Variants in PARD3 observed in about 807,000 individuals in gnomAD.
PARD3 encodes par-3 family cell polarity regulator, also known as partitioning defective 3 homolog.
Under a neutral mutation model 155.4 loss-of-function variants are expected in PARD3, and 75 were observed. The ratio of observed to expected loss-of-function variants is 0.48; its 90% CI spans 0.40 to 0.58. The LOEUF (loss-of-function observed/expected upper bound fraction) is 0.58, where lower values mean the gene tolerates loss of function less well. Ranked by LOEUF, PARD3 falls within the 20% of genes least tolerant of loss-of-function variation. The pLI is 0.00. For synonymous variants in PARD3, 576 were observed against 610.5 expected (o/e 0.94, Z 0.83); for missense variants, 1,642 against 1,721.7 (o/e 0.95, Z 0.82).
chr10:34,392,142 T>A (rs935488374), intron 7 of PARD3, among the ~76,000 whole-genome samples: 21 of 151,120 alleles, frequency 1.4e-4, no homozygotes, highest in Non-Finnish European at 3.0e-5. Context: ...TCAAAAAATA[T>A]AAAGAAAGAA....
At chr10:34,814,361 C>T (rs568257742) in intron 1 of PARD3, among the ~76,000 whole-genome samples, 45 of 152,214 alleles carry the variant, frequency 3.0e-4, no homozygotes, top group Admixed American at 2.1e-3. Context: ...TGTTCCGCCC[C>T]CGCCCGAGTA....
At chr10:34,176,333 G>A (rs1028510315) in intron 22 of PARD3, among the ~76,000 whole-genome samples, 4 of 151,878 alleles carry the variant, frequency 2.6e-5, no homozygotes, top group Admixed American at 6.6e-5. Flanking sequence ...AGTCTAATAT[G>A]TAACATTATT....
chr10:34,551,637 C>T (rs939336401), intron 2 of PARD3, among the ~76,000 whole-genome samples: 7 of 152,236 alleles, frequency 4.6e-5, no homozygotes, highest in Middle Eastern at 3.4e-3. Flanking sequence ...GGGGCAATAA[C>T]GGGGTGTCGG....
intron 20 of PARD3, among the ~76,000 whole-genome samples, chr10:34,299,195 G>T (rs980335448): frequency 6.6e-6 from 1 of 152,196 alleles, no homozygotes; most frequent in African/African-American, 2.4e-5. Context: ...CTCCCAAAAG[G>T]CTAAGAGCAG....
chr10:34,243,665 G>A (rs919754842), intron 22 of PARD3, among the ~76,000 whole-genome samples: 2 of 152,234 alleles, frequency 1.3e-5, no homozygotes, highest in South Asian at 2.1e-4. Flanking sequence ...GTGAAGCCCC[G>A]TCTCTACAAA....
chr10:34,427,245 C>A lies in PARD3; in HGVS notation c.714+23072G>T, dbSNP rs149326184. Among the ~76,000 whole-genome samples, 5 of 152,244 alleles carry A rather than the reference C, an allele frequency of 3.3e-5. No individual in the cohort carries two copies. The South Asian group carries it at 1.0e-3, about 32-fold the overall frequency. On this transcript the variant is annotated intron_variant, in intron 5 of 24. Coordinates refer to ENST00000374788, the MANE Select transcript of PARD3 (RefSeq NM_001184785.2). ...GGCATATTTCTCTTATTACCGAAAA[C>A]GGGTAAGAGAAATATTGCGGAATTC... is the stretch of plus-strand genomic sequence containing the variant.
At chr10:34,276,634 G>C (rs1955895195) in intron 21 of PARD3, among the ~76,000 whole-genome samples, 1 of 152,118 alleles carries the variant, frequency 6.6e-6, no homozygotes, top group Admixed American at 6.6e-5. Context: ...TATATATCCA[G>C]AAAAGGTACC....
intron 20 of PARD3, among the ~76,000 whole-genome samples, chr10:34,312,793 A>G (rs1476355764): frequency 1.3e-5 from 2 of 152,218 alleles, no homozygotes; most frequent in Non-Finnish European, 2.9e-5. Flanking sequence ...GACATGTACA[A>G]TAAGGTCACG....
chr10:34,702,688 G>A (rs1321950289), intron 1 of PARD3, among the ~76,000 whole-genome samples: 1 of 152,218 alleles, frequency 6.6e-6, no homozygotes, highest in Non-Finnish European at 1.5e-5. Context: ...AAGGCTAGAG[G>A]TGGGAAGATC....
At chr10:34,734,339 T>C (rs1485876644) in intron 1 of PARD3, among the ~76,000 whole-genome samples, 2 of 128,846 alleles carry the variant, frequency 1.6e-5, no homozygotes, top group African/African-American at 5.9e-5. Flanking sequence ...TTTTTTTTTT[T>C]TTTTTTTTTT....
At chr10:34,542,199 T>TGG (rs202212097) in intron 2 of PARD3, among the ~76,000 whole-genome samples, 1,931 of 95,138 alleles carry the variant, frequency 0.02, 21 homozygotes, top group South Asian at 0.064. Flanking sequence ...TAAGGTTGTT[T>TGG]GGGGTGTGTG....
At chr10:34,117,780 G>A (rs927047692) in intron 24 of PARD3, among the ~76,000 whole-genome samples, 19 of 152,204 alleles carry the variant, frequency 1.2e-4, no homozygotes, top group African/African-American at 2.4e-4. Flanking sequence ...GCGAGGTGGC[G>A]CACGCCTGTA....
At chr10:34,306,430 T>C (rs901554357) in intron 20 of PARD3, among the ~76,000 whole-genome samples, 3 of 151,952 alleles carry the variant, frequency 2.0e-5, no homozygotes, top group African/African-American at 7.3e-5. Flanking sequence ...GGCAGGGGGA[T>C]CACAAGGTCA....
intron 1 of PARD3, among the ~76,000 whole-genome samples, chr10:34,777,534 T>C (rs1424873836): frequency 6.6e-6 from 1 of 152,072 alleles, no homozygotes. Context: ...TCATTAGACA[T>C]TTGGATAATT....
chr10:34,473,350 G>A (rs1194820065), intron 3 of PARD3, among the ~76,000 whole-genome samples: 1 of 152,100 alleles, frequency 6.6e-6, no homozygotes, highest in African/African-American at 2.4e-5. Flanking sequence ...AGGAGTCCTA[G>A]ATTTGATTAC....
chr10:34,690,850 G>A (rs1435890953), intron 2 of PARD3, among the ~76,000 whole-genome samples: 2 of 152,182 alleles, frequency 1.3e-5, no homozygotes, highest in South Asian at 2.1e-4. Context: ...GTACAGGTGA[G>A]CACAGCAGCT....
At chr10:34,301,468 T>G (rs891516837) in intron 20 of PARD3, among the ~76,000 whole-genome samples, 2 of 152,188 alleles carry the variant, frequency 1.3e-5, no homozygotes, top group Non-Finnish European at 2.9e-5. Flanking sequence ...GCCCCATTCC[T>G]GCCCTGAGCG....
intron 2 of PARD3, among the ~76,000 whole-genome samples, chr10:34,695,064 C>A (rs1232873282): frequency 1.2e-5 from 1 of 80,490 alleles, no homozygotes; most frequent in East Asian, 2.6e-4. Flanking sequence ...GGTTAAATAC[C>A]CTGTGCAGGG....
At chr10:34,195,704 T>C (rs942086496) in intron 22 of PARD3, among the ~76,000 whole-genome samples, 2 of 152,176 alleles carry the variant, frequency 1.3e-5, no homozygotes, top group Non-Finnish European at 2.9e-5. Flanking sequence ...GAGGCAACAC[T>C]GAAAACATGT....
Sources: allele counts gnomAD v4.1 joint callset (sites outside exome capture counted in the v4.1 genomes callset), GRCh38; gene constraint gnomAD v4.1.1; transcripts MANE v1.5; gene names NCBI Gene and HGNC (gene_info 2026-07-23, HGNC 2026-07-21).